RASA2: variants seen among roughly 807,000 people sequenced by gnomAD.
RASA2 encodes the protein ras GTPase-activating protein 2.
In RASA2, 155 loss-of-function variants were observed where a neutral mutation model predicts 118.2. The observed-to-expected ratio is 1.31, with a 90% CI of 1.15 to 1.50. The LOEUF is 1.50. Among genes scored for constraint, RASA2 ranks in the 40% most tolerant of loss-of-function variants. RASA2 has a pLI of 0.00. For missense variants in RASA2, 1,016 were observed against 1,009.6 expected (o/e 1.01, Z -0.09); for synonymous variants, 353 against 349.1 (o/e 1.01, Z -0.12).
chr3:141,511,910 G>GATT (rs1027254607), intron 1 of RASA2, among the ~76,000 whole-genome samples: 6 of 152,018 alleles, frequency 3.9e-5, no homozygotes, highest in African/African-American at 1.5e-4. Flanking sequence ...CAAGTAGAGG[G>GATT]ATTACCCTTT....
intron 3 of RASA2, among the ~76,000 whole-genome samples, chr3:141,523,132 A>ATT (rs200172484): frequency 8.5e-5 from 12 of 141,270 alleles, no homozygotes; most frequent in African/African-American, 7.7e-5. Flanking sequence ...AGATAATCCC[A>ATT]TTTTTTTTTT....
At chr3:141,516,473 T>TG (rs767269386) in intron 3 of RASA2, 42 bp downstream of exon 3, 1 of 1,294,564 alleles carries the variant, frequency 7.7e-7, no homozygotes, top group East Asian at 3.0e-5. Flanking sequence ...AATGTTAATG[T>TG]TTATATTCAT....
chr3:141,580,831 T>TAA (rs79713135), intron 16 of RASA2, among the ~76,000 whole-genome samples: 1 of 134,172 alleles, frequency 7.5e-6, no homozygotes. Context: ...ATGAGAACAT[T>TAA]AAAAAAAAAA....
chr3:141,515,565 T>C (rs1212557012), intron 2 of RASA2, among the ~76,000 whole-genome samples: 2 of 152,164 alleles, frequency 1.3e-5, no homozygotes, highest in African/African-American at 4.8e-5. Flanking sequence ...TCAAATTCTT[T>C]TCAATGGCAT....
In RASA2 at chr3:141,573,236, T is replaced by C. The variant is rs777855373; in HGVS notation, c.1359+15T>C. The stretch of plus-strand genomic sequence containing the variant: ...AAAATAATAAGGTAAGTCCTTGTTA[T>C]ATTATTTATAATTGCATTAAAATTG... On this transcript the variant is annotated intron_variant, in intron 13 of 23. Coordinates refer to ENST00000286364, the MANE Select transcript of RASA2 (RefSeq NM_006506.5). 8.5e-6 allele frequency: 13 copies of C among 1,534,098 alleles called. No homozygotes were observed. The East Asian group carries it at 3.0e-4, about 35-fold the overall frequency.
Position 141,586,008 on chromosome 3 carries a change from C to A in RASA2, c.1753-17C>A. The stretch of plus-strand genomic sequence containing the variant: ...ACCTTATCACACAGTGTAATATTTG[C>A]CCATTTCCCCATTTAGTTCTTGGAT... On this transcript the variant is annotated splice_polypyrimidine_tract_variant and intron_variant, in intron 17 of 23. Transcript: ENST00000286364. 2 of 1,587,664 alleles carry A rather than the reference C, an allele frequency of 1.3e-6. No homozygotes were observed. Among genetic ancestry groups the A allele is most frequent in the South Asian group, 1.1e-5 (1 of 90,092 alleles).
chr3:141,488,850 A>G (rs996115414), intron 1 of RASA2, among the ~76,000 whole-genome samples: 1 of 152,132 alleles, frequency 6.6e-6, no homozygotes, highest in Non-Finnish European at 1.5e-5. Flanking sequence ...ACTTGATGCT[A>G]GGCATTGTCT....
intron 6 of RASA2, among the ~76,000 whole-genome samples, chr3:141,555,503 A>G (rs1394461841): frequency 6.6e-6 from 1 of 152,060 alleles, no homozygotes; most frequent in Non-Finnish European, 1.5e-5. Flanking sequence ...TTCAACATAG[A>G]TGAAGGTGCT....
chr3:141,609,731 A>C, intron 22 of RASA2, 146 bp from the exon 23 acceptor site: 1 of 783,656 alleles, frequency 1.3e-6, no homozygotes, highest in Non-Finnish European at 1.9e-6. Context: ...ATCCTAATAA[A>C]TAAAATGTAT....
chr3:141,597,708 A>G (rs1340118227), intron 19 of RASA2, among the ~76,000 whole-genome samples: 1 of 152,228 alleles, frequency 6.6e-6, no homozygotes, highest in Non-Finnish European at 1.5e-5. Context: ...AATAAACCTA[A>G]AGTTAATTGA....
chr3:141,515,998 C>T lies in RASA2; in HGVS notation c.252-330C>T, dbSNP rs184584011. 1.7e-4 allele frequency among the ~76,000 whole-genome samples: 22 copies of T among 132,320 alleles called. No individual in the cohort carries two copies. The East Asian group carries it at 4.0e-3, about 24-fold the overall frequency. 86.8% of individuals were successfully genotyped at this position (132,320 alleles called of 152,430 possible). A position where few individuals can be genotyped will look rare whatever the true frequency, so the allele number is the denominator to read the frequency against. On this transcript the variant is annotated intron_variant, in intron 2 of 23. Coordinates refer to ENST00000286364, the MANE Select transcript of RASA2 (RefSeq NM_006506.5). ...TTCTCACTCATAGGTGGGAACTGAACAATGAGAACACTTGGACACAGGAAG... is the reference window on the plus strand; with the variant it reads ...TTCTCACTCATAGGTGGGAACTGAATAATGAGAACACTTGGACACAGGAAG...
At chr3:141,490,852 A>C (rs1202251077) in intron 1 of RASA2, among the ~76,000 whole-genome samples, 1 of 152,198 alleles carries the variant, frequency 6.6e-6, no homozygotes, top group African/African-American at 2.4e-5. Flanking sequence ...TAGTAAAAAT[A>C]CCTATCTCAC....
At chr3:141,530,680 A>G (rs2082246834) in intron 4 of RASA2, among the ~76,000 whole-genome samples, 2 of 152,140 alleles carry the variant, frequency 1.3e-5, no homozygotes, top group South Asian at 2.1e-4. Flanking sequence ...TCTCTCAAGC[A>G]TTCTCTTTGA....
chr3:141,496,269 A>G (rs1262812193), intron 1 of RASA2, among the ~76,000 whole-genome samples: 1 of 152,222 alleles, frequency 6.6e-6, no homozygotes, highest in East Asian at 1.9e-4. Flanking sequence ...CAAGGACTTC[A>G]TGTCCAAAAC....
intron 19 of RASA2, chr3:141,587,003 C>T (rs929614882): frequency 1.5e-5 from 7 of 475,906 alleles, no homozygotes; most frequent in Non-Finnish European, 2.7e-5. Context: ...TCTAAAAATC[C>T]ATAGTAATCC....
At chr3:141,559,529 T>C (rs2082699161) in intron 8 of RASA2, among the ~76,000 whole-genome samples, 1 of 152,080 alleles carries the variant, frequency 6.6e-6, no homozygotes, top group South Asian at 2.1e-4. Flanking sequence ...GTAATGTATT[T>C]TTCTAATTTT....
intron 15 of RASA2, chr3:141,579,315 A>T (rs1206876254): frequency 2.8e-4 from 43 of 152,234 alleles, no homozygotes; most frequent in Admixed American, 2.7e-3. Context: ...TATTCATTTA[A>T]TACCTATTCA....
intron 2 of RASA2, among the ~76,000 whole-genome samples, chr3:141,516,118 C>T (rs1426510067): frequency 2.7e-5 from 4 of 150,630 alleles, no homozygotes; most frequent in Non-Finnish European, 4.4e-5. Flanking sequence ...AGTTAATGGG[C>T]GCAGCACACC....
intron 7 of RASA2, among the ~76,000 whole-genome samples, chr3:141,556,164 A>C (rs143988454): frequency 6.6e-6 from 1 of 152,326 alleles, no homozygotes; most frequent in Non-Finnish European, 1.5e-5. Flanking sequence ...CTCACTATTC[A>C]TGCCCTTCCT....
Sources: gnomAD v4.1 joint callset for allele counts (sites outside exome capture counted in the v4.1 genomes callset) on GRCh38, gnomAD v4.1.1 for gene constraint, MANE v1.5 for transcripts, NCBI Gene and HGNC (gene_info 2026-07-23, HGNC 2026-07-21) for gene names.